IFIT1B: variants seen among roughly 807,000 people sequenced by gnomAD.
IFIT1B encodes the protein protein IFIT1 homolog B.
In IFIT1B, 3 loss-of-function variants were observed where a neutral mutation model predicts 2.5. That is an observed-to-expected ratio of 1.21 (90% CI 0.55 to 3.14). The LOEUF (loss-of-function observed/expected upper bound fraction) is 3.14. Among genes scored for constraint, IFIT1B ranks in the 30% most tolerant of loss-of-function variants. The probability of loss-of-function intolerance (pLI) is 0.03; values close to 1 mark genes in which losing one functional copy is unlikely to be tolerated. For synonymous variants in IFIT1B, 196 were observed against 203.0 expected (o/e 0.97, Z 0.29); for missense variants, 545 against 556.5 (o/e 0.98, Z 0.21).
At position 89,384,529 on chromosome 10, in the gene IFIT1B, T is replaced by A. The variant is rs1285086298; in HGVS notation, c.1216T>A (p.Leu406Met). Reference protein sequence around the residue: ...DKAITHYLKGLKIEKMSHSRE... With the variant: ...DKAITHYLKGMKIEKMSHSRE... ...AGCAATTACCCATTATTTAAAAGGTTTGAAAATAGAAAAAATGTCCCATTC... is the reference window on the plus strand; with the variant it reads ...AGCAATTACCCATTATTTAAAAGGTATGAAAATAGAAAAAATGTCCCATTC... Residue 406 changes from leucine (L) to methionine (M), a missense_variant, in exon 2 of 2, where the codon TTG (leucine) becomes ATG (methionine). Physicochemically the swap from Leu to Met is conservative, Grantham distance 15. Coordinates refer to ENST00000371809, the MANE Select transcript of IFIT1B (RefSeq NM_001010987.2). The A allele has an allele frequency of 6.2e-7, 1 of 1,613,942 alleles. No homozygotes were observed. Among genetic ancestry groups the A allele is most frequent in the Admixed American group, 1.7e-5 (1 of 59,980 alleles).
intron 1 of IFIT1B, among the ~76,000 whole-genome samples, chr10:89,382,985 A>G (rs548964876): frequency 4.4e-4 from 67 of 152,370 alleles, no homozygotes; most frequent in African/African-American, 1.5e-3. Flanking sequence ...CATGGACTGC[A>G]AAGTCAGGAG....
intron 1 of IFIT1B, among the ~76,000 whole-genome samples, chr10:89,378,621 TG>T (rs1289754646): frequency 1.3e-5 from 2 of 152,210 alleles, no homozygotes; most frequent in African/African-American, 4.8e-5. Context: ...TGCTCCCCAG[TG>T]GGCCAACCCC....
intron 1 of IFIT1B, among the ~76,000 whole-genome samples, chr10:89,378,672 A>G (rs1273928377): frequency 6.6e-6 from 1 of 152,224 alleles, no homozygotes; most frequent in Admixed American, 6.5e-5. Flanking sequence ...GAGTTAATAA[A>G]GTCCATAGAG....
chr10:89,379,845 T>C (rs1462088690), intron 1 of IFIT1B, among the ~76,000 whole-genome samples: 5 of 152,008 alleles, frequency 3.3e-5, no homozygotes, highest in Non-Finnish European at 7.4e-5. Context: ...CCATCCTGAC[T>C]AACAAGGTGA....
intron 1 of IFIT1B, among the ~76,000 whole-genome samples, chr10:89,382,160 G>A (rs1157218977): frequency 6.6e-6 from 1 of 151,984 alleles, no homozygotes; most frequent in Non-Finnish European, 1.5e-5. Context: ...ATTATATTAT[G>A]GTTATATTGA....
Position 89,383,935 on chromosome 10 carries a change from C to A in IFIT1B, c.622C>A (p.Arg208=), listed in dbSNP as rs758792760. ...GGCATTTTCTCTGCACGTCCTAAAA[C>A]GAGCTGTCAGGCTAAATCCAGATGA... The part of the protein sequence containing the change: ...NKAFSLHVLK[R]AVRLNPDDVY... Residue 208 remains arginine, a synonymous_variant, in exon 2 of 2, where the codon CGA becomes AGA. Transcript: ENST00000371809. 1.2e-6 allele frequency: 2 copies of A among 1,614,174 alleles called. No homozygotes were observed. The highest frequency in any genetic ancestry group is 1.7e-6 in the Non-Finnish European group (2 of 1,180,040).
In IFIT1B at chr10:89,384,207, A is replaced by C; in HGVS notation, c.894A>C (p.Gln298His). 1 of 1,614,192 alleles carries C rather than the reference A, an allele frequency of 6.2e-7. No homozygotes were observed. Among genetic ancestry groups the C allele is most frequent in the Non-Finnish European group, 8.5e-7 (1 of 1,180,008 alleles). ...AAATGGGGCTTTGCTACAGGGCACA[A>C]ATGATCCAAATCAAGGAAGCTACAA... ...HHQMGLCYRA[Q>H]MIQIKEATNW... The change falls in exon 2 of 2, where the codon CAA becomes CAC. Residue 298 changes from glutamine to histidine, a missense_variant. Physicochemically the swap from Gln to His is conservative, Grantham distance 24. Transcript: ENST00000371809.
intron 1 of IFIT1B, among the ~76,000 whole-genome samples, chr10:89,382,648 T>C (rs991230606): frequency 3.3e-5 from 5 of 152,230 alleles, no homozygotes; most frequent in African/African-American, 1.2e-4. Context: ...ACCTATGTAA[T>C]GTTCATTCAT....
intron 1 of IFIT1B, among the ~76,000 whole-genome samples, chr10:89,381,822 G>A (rs1844165569): frequency 6.6e-6 from 1 of 151,780 alleles, no homozygotes; most frequent in African/African-American, 2.4e-5. Flanking sequence ...GTCTGGCTCT[G>A]TTGCCCAGCC....
Position 89,384,216 on chromosome 10 carries a change from A to G in IFIT1B, c.903A>G (p.Gln301=), listed in dbSNP as rs761251748. 4.3e-6 allele frequency: 7 copies of G among 1,614,058 alleles called. No individual in the cohort carries two copies. In the East Asian group the frequency reaches 1.6e-4, roughly 36 times the overall value. The change falls in exon 2 of 2, where the codon CAA becomes CAG. Residue 301 remains glutamine, a synonymous_variant. Transcript: ENST00000371809. The part of the protein sequence containing the change: ...MGLCYRAQMI[Q]IKEATNWQPR... ...TTTGCTACAGGGCACAAATGATCCA[A>G]ATCAAGGAAGCTACAAACTGGCAGC...
intron 1 of IFIT1B, 65 bp downstream of exon 1, chr10:89,378,205 A>G (rs1173195996): frequency 7.6e-6 from 12 of 1,577,634 alleles, no homozygotes; most frequent in Non-Finnish European, 8.7e-6. Context: ...AACTTTCCTT[A>G]AGGGCCAATT....
Position 89,383,961 on chromosome 10 carries a change from T to C in IFIT1B, c.648T>C (p.Asp216=). Residue 216 remains aspartate (D), a synonymous_variant, in exon 2 of 2, where the codon GAT becomes GAC. Coordinates refer to ENST00000371809, the MANE Select transcript of IFIT1B (RefSeq NM_001010987.2). ...LKRAVRLNPD[D]VYIRVLLALK... is the part of the protein sequence containing the mutation. ...GAGCTGTCAGGCTAAATCCAGATGATGTATATATTAGGGTTCTCCTTGCCC... is the reference window on the plus strand; with the variant it reads ...GAGCTGTCAGGCTAAATCCAGATGACGTATATATTAGGGTTCTCCTTGCCC... 2 of 1,614,182 alleles carry C rather than the reference T, an allele frequency of 1.2e-6. No homozygotes were observed. The highest frequency in any genetic ancestry group is 4.5e-5 in the East Asian group (2 of 44,882).
chr10:89,381,781 TTTTC>T (rs1217807003), intron 1 of IFIT1B, among the ~76,000 whole-genome samples: 1 of 152,116 alleles, frequency 6.6e-6, no homozygotes, highest in African/African-American at 2.4e-5. Context: ...CTTTCCTTTA[TTTTC>T]TTTATTATTA....
chr10:89,380,124 C>G (rs1171378614), intron 1 of IFIT1B, among the ~76,000 whole-genome samples: 1 of 152,028 alleles, frequency 6.6e-6, no homozygotes, highest in Non-Finnish European at 1.5e-5. Context: ...GCCTTGGTAG[C>G]TAGTCTATGT....
chr10:89,379,789 C>T (rs1844148842), intron 1 of IFIT1B, among the ~76,000 whole-genome samples: 1 of 152,076 alleles, frequency 6.6e-6, no homozygotes, highest in Admixed American at 6.6e-5. Context: ...AATCCCAGCA[C>T]TTTGGGAGGC....
intron 1 of IFIT1B, among the ~76,000 whole-genome samples, chr10:89,378,831 T>C (rs1293922902): frequency 6.6e-6 from 1 of 152,188 alleles, no homozygotes; most frequent in Non-Finnish European, 1.5e-5. Context: ...AGCAATGCTC[T>C]TAAGGAAATA....
In IFIT1B at chr10:89,383,891, C is replaced by T. The variant is rs138241421; in HGVS notation, c.578C>T (p.Thr193Ile). 31 of 1,614,066 alleles carry T rather than the reference C, an allele frequency of 1.9e-5. No homozygotes were observed. In the African/African-American group the frequency reaches 2.9e-4, roughly 15 times the overall value. ...ITVYRLDKFN[T>I]ASGRNKAFSL... ...GTCTATCGCCTGGATAAATTTAACACAGCATCAGGGAGGAATAAGGCATTT... is the reference window on the plus strand; with the variant it reads ...GTCTATCGCCTGGATAAATTTAACATAGCATCAGGGAGGAATAAGGCATTT... Residue 193 changes from threonine (T) to isoleucine (I), a missense_variant, in exon 2 of 2, where the codon ACA (threonine) becomes ATA (isoleucine). By Grantham distance (89) the Thr-to-Ile change is moderately conservative. Transcript: ENST00000371809.
chr10:89,380,895 T>C (rs750570533), intron 1 of IFIT1B, among the ~76,000 whole-genome samples: 7 of 152,166 alleles, frequency 4.6e-5, no homozygotes, highest in Non-Finnish European at 1.0e-4. Flanking sequence ...GTCAAGAAGA[T>C]ACATGTTGAT....
intron 1 of IFIT1B, among the ~76,000 whole-genome samples, chr10:89,381,072 G>A (rs1187968093): frequency 6.6e-6 from 1 of 152,202 alleles, no homozygotes; most frequent in African/African-American, 2.4e-5. Flanking sequence ...AGATCACTCA[G>A]AGGAAGACTG....
Sources: gnomAD v4.1 joint callset for allele counts (sites outside exome capture counted in the v4.1 genomes callset) on GRCh38, gnomAD v4.1.1 for gene constraint, MANE v1.5 for transcripts, NCBI Gene and HGNC (gene_info 2026-07-23, HGNC 2026-07-21) for gene names.